PCDH15: variants seen among roughly 807,000 people sequenced by gnomAD.
The protein encoded by PCDH15 is protocadherin related 15.
In PCDH15, 129 loss-of-function variants were observed where a neutral mutation model predicts 178.5. The observed-to-expected ratio is 0.72, with a 90% CI of 0.63 to 0.84. The LOEUF (loss-of-function observed/expected upper bound fraction) is 0.84. Ranked by LOEUF, PCDH15 falls within the 40% of genes least tolerant of loss-of-function variation. PCDH15 has a pLI of 0.00. For missense variants in PCDH15, 2,230 were observed against 2,099.9 expected (o/e 1.06, Z -1.21); for synonymous variants, 800 against 732.0 (o/e 1.09, Z -1.50).
At chr10:54,495,997 G>T (rs1417400440) in intron 3 of PCDH15, among the ~76,000 whole-genome samples, 3 of 152,226 alleles carry the variant, frequency 2.0e-5, no homozygotes, top group African/African-American at 7.2e-5. Context: ...TGGACTTCAA[G>T]TAAAACATGA....
At chr10:53,973,941 C>G (rs1252457913) in intron 21 of PCDH15, among the ~76,000 whole-genome samples, 1 of 152,086 alleles carries the variant, frequency 6.6e-6, no homozygotes, top group African/African-American at 2.4e-5. Flanking sequence ...GTTACTAAAT[C>G]AAAGTGAGCT....
At chr10:54,085,761 G>A (rs1311194933) in intron 16 of PCDH15, among the ~76,000 whole-genome samples, 1 of 151,962 alleles carries the variant, frequency 6.6e-6, no homozygotes, top group Non-Finnish European at 1.5e-5. Flanking sequence ...TCAGTACTTT[G>A]TAAAACCCTA....
intron 21 of PCDH15, among the ~76,000 whole-genome samples, chr10:53,981,111 A>T (rs967164099): frequency 6.6e-5 from 10 of 152,104 alleles, no homozygotes; most frequent in African/African-American, 1.9e-4. Flanking sequence ...TTAGATTTTT[A>T]AAATAAAAAT....
At chr10:54,597,732 C>T in intron 2 of PCDH15, among the ~76,000 whole-genome samples, 1 of 151,908 alleles carries the variant, frequency 6.6e-6, no homozygotes, top group South Asian at 2.1e-4. Context: ...ATAGATAGAC[C>T]ACTGGTTAAA....
chr10:53,995,502 T>G (rs2091787456), intron 21 of PCDH15, 147 bp downstream of exon 21: 1 of 1,430,790 alleles, frequency 7.0e-7, no homozygotes, highest in African/African-American at 1.4e-5. Context: ...TACCTGTGGA[T>G]GAAATAAGTA....
At chr10:54,046,795 G>A (rs900876818) in intron 18 of PCDH15, among the ~76,000 whole-genome samples, 1 of 151,968 alleles carries the variant, frequency 6.6e-6, no homozygotes, top group Admixed American at 6.6e-5. Context: ...AATCACTTTT[G>A]TGTATTACAT....
chr10:55,551,960 A>G (rs1226507090), intron 2 of PCDH15, among the ~76,000 whole-genome samples: 3 of 151,702 alleles, frequency 2.0e-5, no homozygotes, highest in Admixed American at 6.6e-5. Flanking sequence ...TATTCTTCCA[A>G]TATCTGAAGG....
intron 25 of PCDH15, among the ~76,000 whole-genome samples, chr10:53,911,283 T>C (rs1181127786): frequency 1.3e-5 from 2 of 152,090 alleles, no homozygotes; most frequent in Non-Finnish European, 2.9e-5. Context: ...TGCAATCAAA[T>C]TATAACTCAG....
chr10:55,580,673 C>A (rs904967145), intron 2 of PCDH15, among the ~76,000 whole-genome samples: 26 of 152,148 alleles, frequency 1.7e-4, no homozygotes, highest in Admixed American at 3.9e-4. Context: ...ATTACGATGG[C>A]TTTTACCTGA....
At chr10:54,143,298 G>A (rs2043575704) in intron 14 of PCDH15, among the ~76,000 whole-genome samples, 2 of 152,072 alleles carry the variant, frequency 1.3e-5, no homozygotes, top group African/African-American at 2.4e-5. Flanking sequence ...TGATTATTAT[G>A]TTACATTGTT....
chr10:53,887,523 C>T (rs765925983), intron 26 of PCDH15, among the ~76,000 whole-genome samples: 7 of 152,250 alleles, frequency 4.6e-5, no homozygotes, highest in Middle Eastern at 3.4e-3. Context: ...TGTGTCTCTA[C>T]AGCTTCACGT....
intron 13 of PCDH15, among the ~76,000 whole-genome samples, chr10:54,164,546 AG>A (rs1240572752): frequency 6.6e-6 from 1 of 152,198 alleles, no homozygotes; most frequent in Non-Finnish European, 1.5e-5. Context: ...ATAGAGGATA[AG>A]GGGGAAAAAT....
chr10:54,460,843 A>C (rs117095430), intron 3 of PCDH15, among the ~76,000 whole-genome samples: 1 of 152,232 alleles, frequency 6.6e-6, no homozygotes, highest in East Asian at 1.9e-4. Context: ...AGGAACTCCA[A>C]CGTGGGAGAG....
At chr10:54,593,375 T>G (rs2092004307) in intron 2 of PCDH15, among the ~76,000 whole-genome samples, 1 of 152,198 alleles carries the variant, frequency 6.6e-6, no homozygotes, top group African/African-American at 2.4e-5. Flanking sequence ...GAGCTTATCT[T>G]CATTTTTCTA....
At chr10:54,669,998 G>C (rs1318631255) in intron 1 of PCDH15, among the ~76,000 whole-genome samples, 1 of 151,996 alleles carries the variant, frequency 6.6e-6, no homozygotes, top group East Asian at 1.9e-4. Context: ...AGGTTGCAGT[G>C]GGTTGAGATT....
At chr10:55,046,280 G>A (rs930706616) in intron 2 of PCDH15, among the ~76,000 whole-genome samples, 60 of 152,036 alleles carry the variant, frequency 3.9e-4, no homozygotes, top group African/African-American at 1.4e-3. Flanking sequence ...GAGGAGCTTC[G>A]AAGCTCCTCA....
At chr10:54,505,305 T>C (rs749142262) in intron 3 of PCDH15, among the ~76,000 whole-genome samples, 2 of 152,138 alleles carry the variant, frequency 1.3e-5, no homozygotes, top group Non-Finnish European at 2.9e-5. Flanking sequence ...TCTCTGTATG[T>C]AGCTAATAAC....
intron 1 of PCDH15, among the ~76,000 whole-genome samples, chr10:55,210,766 C>T (rs1268514233): frequency 6.6e-6 from 1 of 150,656 alleles, no homozygotes; most frequent in Non-Finnish European, 1.5e-5. Flanking sequence ...GTAGCTGGGA[C>T]TACAGCCGCG....
intron 2 of PCDH15, among the ~76,000 whole-genome samples, chr10:55,032,191 G>C (rs768067085): frequency 1.3e-5 from 2 of 152,144 alleles, no homozygotes; most frequent in Non-Finnish European, 2.9e-5. Context: ...TTCTGATTAG[G>C]TCCCAGATGG....
Sources: gnomAD v4.1 joint callset for allele counts (sites outside exome capture counted in the v4.1 genomes callset) on GRCh38, gnomAD v4.1.1 for gene constraint, MANE v1.5 for transcripts, NCBI Gene and HGNC (gene_info 2026-07-23, HGNC 2026-07-21) for gene names.